The following WFS1 variants were observed in gnomAD, a reference collection of about 807,000 sequenced individuals.
WFS1 encodes wolframin ER transmembrane glycoprotein, also known as wolframin.
WFS1 carries 90 observed loss-of-function variants against 68.5 expected under a neutral mutation model. The ratio of observed to expected loss-of-function variants is 1.31; its 90% confidence interval spans 1.11 to 1.56. The LOEUF (loss-of-function observed/expected upper bound fraction) is 1.56. WFS1 is among the 40% of genes most tolerant of loss of function. The pLI is 0.00. For missense variants in WFS1, 1,767 were observed against 1,232.6 expected, an observed-to-expected ratio of 1.43 and a Z score of -6.49; for synonymous variants, 860 against 540.7, an observed-to-expected ratio of 1.59 and a Z score of -8.19.
In WFS1 at chr4:6,291,886, TCTGA is replaced by T. The variant is rs369122265; in HGVS notation, c.632-27_632-24del. The T allele has an allele frequency of 1.9e-4, 299 of 1,594,162 alleles. 1 individual carries two copies. In the East Asian group the frequency reaches 5.1e-3, roughly 27 times the overall value. The stretch of plus-strand genomic sequence containing the variant: ...AGGGCACGAGGAGATAGTCAACTTG[TCTGA>T]CTGTTAATCCACCCTGTCCCCTGCA... On this transcript the variant is annotated intron_variant, in intron 5 of 7. Transcript: ENST00000226760.
chr4:6,284,635 G>T (rs1482174027), intron 2 of WFS1, among the ~76,000 whole-genome samples: 1 of 151,906 alleles, frequency 6.6e-6, no homozygotes, highest in African/African-American at 2.4e-5. Flanking sequence ...ACAGCCCTGG[G>T]GTCTCCTGGG....
chr4:6,288,023 C>T (rs1730361197), intron 3 of WFS1, among the ~76,000 whole-genome samples: 2 of 152,080 alleles, frequency 1.3e-5, no homozygotes, highest in South Asian at 2.1e-4. Context: ...TCGTGACCAG[C>T]CTGGCCAACA....
chr4:6,276,809 C>A (rs1262059654), intron 1 of WFS1, among the ~76,000 whole-genome samples: 1 of 152,208 alleles, frequency 6.6e-6, no homozygotes, highest in African/African-American at 2.4e-5. Context: ...TGGGTCCCTC[C>A]TGGAGGCTCT....
intron 2 of WFS1, among the ~76,000 whole-genome samples, chr4:6,281,032 G>A (rs923410920): frequency 1.3e-5 from 2 of 152,204 alleles, no homozygotes; most frequent in African/African-American, 4.8e-5. Flanking sequence ...TGCCCTTTCT[G>A]TTGACCCCAG....
Position 6,277,700 on chromosome 4 carries a change from G to T in WFS1, c.232+13G>T. The T allele has an allele frequency of 1.3e-6, 2 of 1,552,592 alleles. No homozygotes were observed. Among genetic ancestry groups the T allele is most frequent in the Non-Finnish European group, 1.7e-6 (2 of 1,148,964 alleles). On this transcript the variant is annotated intron_variant, in intron 2 of 7. Transcript: ENST00000226760. ...GCAGACGGCACCGGTAAGGGAGCAG[G>T]CTGGGAAGCCCAGGCTGGGGATGTT...
intron 2 of WFS1, among the ~76,000 whole-genome samples, chr4:6,278,008 C>T (rs1191301136): frequency 2.0e-5 from 3 of 152,258 alleles, no homozygotes; most frequent in Non-Finnish European, 2.9e-5. Context: ...TTCACGGGCC[C>T]TCTGTAACCA....
intron 2 of WFS1, among the ~76,000 whole-genome samples, chr4:6,284,078 A>G (rs1730239809): frequency 6.6e-6 from 1 of 152,156 alleles, no homozygotes; most frequent in African/African-American, 2.4e-5. Context: ...GTCCATCTCA[A>G]AGAGATTCTG....
intron 2 of WFS1, among the ~76,000 whole-genome samples, chr4:6,280,906 G>A (rs1053129679): frequency 2.7e-4 from 41 of 152,308 alleles, no homozygotes; most frequent in African/African-American, 9.4e-4. Flanking sequence ...CTCCGTCTCC[G>A]AGCAGCAGCA....
Position 6,289,111 on chromosome 4 carries a change from G to A in WFS1, c.440G>A (p.Arg147Gln), listed in dbSNP as rs887901169. The A allele has an allele frequency of 1.1e-5, 17 of 1,578,484 alleles. No homozygotes were observed. Among genetic ancestry groups the A allele is most frequent in the Middle Eastern group, 1.7e-4 (1 of 5,962 alleles). ...GRREAVKLLR[R>Q]CLADRRGITS... ...CGCGAGGCTGTGAAGCTGCTTCGCC[G>A]GTGCTTGGCGGACAGAAGAGGTGGG... Residue 147 changes from arginine to glutamine, a missense_variant, in exon 4 of 8, where the codon CGG becomes CAG. Transcript: ENST00000226760.
At chr4:6,270,359 C>T (rs1005127118) in intron 1 of WFS1, among the ~76,000 whole-genome samples, 5 of 151,556 alleles carry the variant, frequency 3.3e-5, no homozygotes, top group Middle Eastern at 3.4e-3. Flanking sequence ...CCGCGCCATC[C>T]CCCCCGAGTT....
intron 3 of WFS1, chr4:6,288,777 C>A: frequency 1.4e-6 from 1 of 694,058 alleles, no homozygotes; most frequent in East Asian, 2.8e-5. Flanking sequence ...GATGGGGTGG[C>A]CACACCTTCC....
At chr4:6,295,582 TC>T (rs1293947002) in intron 7 of WFS1, among the ~76,000 whole-genome samples, 1 of 152,120 alleles carries the variant, frequency 6.6e-6, no homozygotes, top group Non-Finnish European at 1.5e-5. Context: ...GAAGATGCCT[TC>T]CCCGAAAACA....
chr4:6,298,367 C>T (rs1387305873), intron 7 of WFS1, among the ~76,000 whole-genome samples: 1 of 152,238 alleles, frequency 6.6e-6, no homozygotes, highest in Non-Finnish European at 1.5e-5. Flanking sequence ...CCCTCAAACC[C>T]TGTAGTGCCT....
chr4:6,289,042 G>A lies in WFS1; in HGVS notation c.371G>A (p.Cys124Tyr). 6.2e-7 allele frequency: 1 copy of A among 1,605,682 alleles called. No homozygotes were observed. The highest frequency in any genetic ancestry group is 8.5e-7 in the Non-Finnish European group (1 of 1,176,552). Residue 124 changes from cysteine to tyrosine, a missense_variant, in exon 4 of 8, where the codon TGC (cysteine) becomes TAC (tyrosine). Transcript: ENST00000226760. ...AGDTDEELNSCTAVDWLVLAA... is the reference protein window; with the variant it reads ...AGDTDEELNSYTAVDWLVLAA... ...GACACGGATGAAGAACTCAACAGCTGCACCGCTGTGGACTGGCTGGTCCTC... is the reference window on the plus strand; with the variant it reads ...GACACGGATGAAGAACTCAACAGCTACACCGCTGTGGACTGGCTGGTCCTC...
chr4:6,275,949 G>A (rs578236179), intron 1 of WFS1, among the ~76,000 whole-genome samples: 4 of 152,266 alleles, frequency 2.6e-5, no homozygotes, highest in South Asian at 2.1e-4. Context: ...CAGTTGCCCC[G>A]TCCCCATTTT....
Position 6,300,745 on chromosome 4 carries a change from C to T in WFS1, c.950C>T (p.Thr317Ile), listed in dbSNP as rs763666730. ...AGGGCAGGCATGCACTGGCTGTCCA[C>T]CATCATCCCCACGCACCACATCAAC... The part of the protein sequence containing the change: ...ASRAGMHWLS[T>I]IIPTHHINAL... The change falls in exon 8 of 8, where the codon ACC (threonine) becomes ATC (isoleucine). Residue 317 changes from threonine to isoleucine, a missense_variant. By Grantham distance (89) the Thr-to-Ile change is moderately conservative. Coordinates refer to ENST00000226760, the MANE Select transcript of WFS1 (RefSeq NM_006005.3). 3.1e-6 allele frequency: 5 copies of T among 1,614,070 alleles called. No homozygotes were observed. The highest frequency in any genetic ancestry group is 2.2e-5 in the South Asian group (2 of 91,074).
In WFS1 at chr4:6,291,937, C is replaced by G; in HGVS notation, c.652C>G (p.Pro218Ala). Residue 218 changes from proline (P) to alanine (A), a missense_variant, in exon 6 of 8, where the codon CCC (proline) becomes GCC (alanine). Physicochemically the swap from Pro to Ala is conservative, Grantham distance 27. Coordinates refer to ENST00000226760, the MANE Select transcript of WFS1 (RefSeq NM_006005.3). ...NEHDGGAQPG[P>A]VPKSLQKQRR... is the part of the protein sequence containing the mutation. ...TGCAGATGGAGGGGCGCAGCCAGGC[C>G]CCGTGCCCAAGTCCCTGCAGAAGCA... 1 of 1,611,208 alleles carries G rather than the reference C, an allele frequency of 6.2e-7. No homozygotes were observed. The highest frequency in any genetic ancestry group is 8.5e-7 in the Non-Finnish European group (1 of 1,179,380).
Position 6,291,273 on chromosome 4 carries a change from A to C in WFS1, c.537A>C (p.Ala179=), listed in dbSNP as rs1730455071. 6.2e-7 allele frequency: 1 copy of C among 1,613,374 alleles called. No individual in the cohort carries two copies. The highest frequency in any genetic ancestry group is 8.5e-7 in the Non-Finnish European group (1 of 1,180,010). ...ACCTGGAGAGGGCCGTGCGCAAGGC[A>C]GCCCTGGTCATGTACTGGAAGCTCA... is the stretch of plus-strand genomic sequence containing the variant. ...ETDLERAVRK[A]ALVMYWKLNP... The change falls in exon 5 of 8, where the codon GCA becomes GCC. Residue 179 remains alanine (A), a synonymous_variant. Coordinates refer to ENST00000226760, the MANE Select transcript of WFS1 (RefSeq NM_006005.3).
At chr4:6,285,488 G>A (rs2109112958) in intron 2 of WFS1, among the ~76,000 whole-genome samples, 1 of 152,254 alleles carries the variant, frequency 6.6e-6, no homozygotes, top group South Asian at 2.1e-4. Flanking sequence ...GACCACGAGA[G>A]CTTGTGAAGA....
Sources: gnomAD v4.1 joint callset for allele counts (sites outside exome capture counted in the v4.1 genomes callset) on GRCh38, gnomAD v4.1.1 for gene constraint, MANE v1.5 for transcripts, NCBI Gene and HGNC (gene_info 2026-07-23, HGNC 2026-07-21) for gene names.